Variants in ITIH2 observed in about 807,000 individuals in gnomAD.
ITIH2 encodes the protein inter-alpha-trypsin inhibitor heavy chain 2, also known as inter-alpha-trypsin inhibitor heavy chain H2.
ITIH2 carries 103 observed loss-of-function variants against 104.4 expected under a neutral mutation model. That is an observed-to-expected ratio of 0.99 (90% CI 0.84 to 1.16). ITIH2 has a LOEUF of 1.16. ITIH2 is among the 50% of genes most tolerant of loss of function. The probability of loss-of-function intolerance (pLI) is 0.00; values close to 1 mark genes in which losing one functional copy is unlikely to be tolerated. For missense variants in ITIH2, 1,108 were observed against 1,162.4 expected (o/e 0.95, Z 0.68); for synonymous variants, 436 against 435.4 (o/e 1.00, Z -0.02).
intron 6 of ITIH2, 115 bp downstream of exon 6, chr10:7,717,903 C>T (rs1834866103): frequency 4.1e-6 from 4 of 977,430 alleles, no homozygotes; most frequent in Non-Finnish European, 6.2e-6. Flanking sequence ...CTCAACTCTA[C>T]AAGACAGTGG....
At position 7,723,350 on chromosome 10, in the gene ITIH2, C is replaced by T. The variant is rs529489308; in HGVS notation, c.868-101C>T. Reference sequence around the variant, plus strand: ...AATGCACATCAAGCTCCGCCTCCTCCTCCCTGTAGACCCCTCTCTTCTCTG... The same window carrying T: ...AATGCACATCAAGCTCCGCCTCCTCTTCCCTGTAGACCCCTCTCTTCTCTG... On this transcript the variant is annotated intron_variant, in intron 8 of 20. Coordinates refer to ENST00000358415, the MANE Select transcript of ITIH2 (RefSeq NM_002216.3). The T allele has an allele frequency of 7.9e-5, 61 of 773,290 alleles. No homozygotes were observed. In the African/African-American group the frequency reaches 8.3e-4, roughly 10 times the overall value. The allele number at this position is 773,290 out of a possible 1,614,324, so 47.9% of individuals were successfully genotyped here.
At chr10:7,704,199 T>C (rs886098569) in intron 1 of ITIH2, among the ~76,000 whole-genome samples, 1 of 152,234 alleles carries the variant, frequency 6.6e-6, no homozygotes, top group African/African-American at 2.4e-5. Flanking sequence ...AAGCGAAGCA[T>C]GTTATGGGAA....
intron 12 of ITIH2, 64 bp downstream of exon 12, chr10:7,730,197 TG>T: frequency 4.1e-6 from 5 of 1,206,890 alleles, no homozygotes; most frequent in Non-Finnish European, 5.9e-6. Flanking sequence ...CCATATCTGA[TG>T]CAGGTATGAT....
rs764653891 is a variant in ITIH2 at position 7,727,776 on chromosome 10, C to T, written c.1227C>T (p.Asp409=). The change falls in exon 11 of 21, where the codon GAC becomes GAT. Residue 409 remains aspartate (D), a synonymous_variant. Transcript: ENST00000358415. ...AAGCCAATAACTTGGGACTGTTAGA[C>T]CCCAACTCCGTCTCGCTGATCATTT... ...LNEANNLGLL[D]PNSVSLIILV... is the part of the protein sequence containing the mutation. 2 of 1,613,896 alleles carry T rather than the reference C, an allele frequency of 1.2e-6. No individual in the cohort carries two copies. Among genetic ancestry groups the T allele is most frequent in the Admixed American group, 1.7e-5 (1 of 60,022 alleles).
At chr10:7,714,257 C>T (rs1334280779) in intron 5 of ITIH2, among the ~76,000 whole-genome samples, 1 of 148,860 alleles carries the variant, frequency 6.7e-6, no homozygotes, top group African/African-American at 2.5e-5. Context: ...CTGCAAGCTC[C>T]GCCCCCCGGG....
At chr10:7,727,315 T>C (rs1370289185) in intron 10 of ITIH2, among the ~76,000 whole-genome samples, 197 bp downstream of exon 10, 1 of 152,252 alleles carries the variant, frequency 6.6e-6, no homozygotes, top group Non-Finnish European at 1.5e-5. Context: ...ACATAAGCTT[T>C]GAACCGTTTT....
Position 7,734,945 on chromosome 10 carries a change from C to T in ITIH2, c.1811C>T (p.Ala604Val). 6.2e-7 allele frequency: 1 copy of T among 1,613,070 alleles called. No individual in the cohort carries two copies. Among genetic ancestry groups the T allele is most frequent in the Non-Finnish European group, 8.5e-7 (1 of 1,179,938 alleles). Reference protein sequence around the residue: ...AERSLAPTAAAKRRITRSILQ... With the variant: ...AERSLAPTAAVKRRITRSILQ... The stretch of plus-strand genomic sequence containing the variant: ...AGAAGCCTGGCTCCTACAGCTGCCG[C>T]CAAGAGAAGAATTACAAGATCGATC... Residue 604 changes from alanine to valine, a missense_variant, in exon 15 of 21, where the codon GCC becomes GTC. Transcript: ENST00000358415.
At chr10:7,713,475 G>A in intron 5 of ITIH2, 190 bp downstream of exon 5, 1 of 547,796 alleles carries the variant, frequency 1.8e-6, no homozygotes, top group South Asian at 2.6e-5. Context: ...TCAACCAATG[G>A]GTTTTGGGTG....
At chr10:7,719,367 A>G (rs1424354138) in intron 6 of ITIH2, among the ~76,000 whole-genome samples, 2 of 152,164 alleles carry the variant, frequency 1.3e-5, no homozygotes, top group African/African-American at 4.8e-5. Flanking sequence ...GCTCTGTACA[A>G]TTAAGTGTGT....
At chr10:7,706,090 A>C (rs1834744935) in intron 2 of ITIH2, among the ~76,000 whole-genome samples, 1 of 152,184 alleles carries the variant, frequency 6.6e-6, no homozygotes, top group Non-Finnish European at 1.5e-5. Context: ...TATGGGTGTG[A>C]ATTTTTTACT....
At chr10:7,727,631 C>G (rs189974358) in intron 10 of ITIH2, 72 bp from the exon 11 acceptor site, 2 of 1,554,224 alleles carry the variant, frequency 1.3e-6, no homozygotes, top group Admixed American at 3.5e-5. Flanking sequence ...ACATATGAGT[C>G]TGAATCCAGA....
intron 8 of ITIH2, among the ~76,000 whole-genome samples, chr10:7,722,745 C>T (rs1034813549): frequency 1.3e-5 from 2 of 152,212 alleles, no homozygotes; most frequent in Non-Finnish European, 2.9e-5. Flanking sequence ...CCTAGAGAAC[C>T]GTCCCCTGGG....
At chr10:7,706,422 A>G (rs1012014389) in intron 2 of ITIH2, among the ~76,000 whole-genome samples, 1 of 152,120 alleles carries the variant, frequency 6.6e-6, no homozygotes, top group Non-Finnish European at 1.5e-5. Flanking sequence ...GCCTTTGTTC[A>G]TTTCCTCAGG....
intron 15 of ITIH2, among the ~76,000 whole-genome samples, chr10:7,737,652 AT>A (rs1835072456): frequency 2.3e-5 from 2 of 88,268 alleles, no homozygotes; most frequent in Admixed American, 3.3e-4. Context: ...AATATTCTAT[AT>A]TATATTCTAT....
At chr10:7,729,728 T>C (rs1207780483) in intron 11 of ITIH2, 2 of 439,542 alleles carry the variant, frequency 4.6e-6, no homozygotes, top group Non-Finnish European at 8.0e-6. Flanking sequence ...TTGTTTCCAA[T>C]ATGTTGCTAA....
rs760534201 is a variant in ITIH2, at chr10:7,727,671, A to G, written c.1154-32A>G. 6 of 1,611,518 alleles carry G rather than the reference A, an allele frequency of 3.7e-6. No individual in the cohort carries two copies. In the African/African-American group the frequency reaches 4.0e-5, roughly 11 times the overall value. On this transcript the variant is annotated intron_variant, in intron 10 of 20. Transcript: ENST00000358415. ...GATTTTCTGCGTGTGGCGAGAACGC[A>G]TACCCAACGTTTCATTATGCTACTT...
intron 6 of ITIH2, among the ~76,000 whole-genome samples, chr10:7,720,457 C>G (rs1473937875): frequency 2.0e-5 from 3 of 152,080 alleles, no homozygotes; most frequent in African/African-American, 4.8e-5. Flanking sequence ...ATAAAACAAC[C>G]CAAGATTTGG....
intron 16 of ITIH2, among the ~76,000 whole-genome samples, chr10:7,742,352 C>T (rs1835134875): frequency 6.6e-6 from 1 of 152,052 alleles, no homozygotes. Flanking sequence ...TAGCTTGATT[C>T]TTCATTGCTT....
rs143052391 is a variant in ITIH2, at chr10:7,716,377, C to T, written c.468-1249C>T. ...TGCTGTTTTCTCTTTAAACCATAAA[C>T]ACCTCAAGATCAATGATCACATTGA... On this transcript the variant is annotated intron_variant, in intron 5 of 20. Transcript: ENST00000358415. 5.5e-4 allele frequency among the ~76,000 whole-genome samples: 84 copies of T among 152,316 alleles called. 1 individual carries two copies. Among genetic ancestry groups the T allele is most frequent in the African/African-American group, 2.0e-3 (82 of 41,570 alleles).
Sources: gnomAD v4.1 joint callset for allele counts (sites outside exome capture counted in the v4.1 genomes callset) on GRCh38, gnomAD v4.1.1 for gene constraint, MANE v1.5 for transcripts, NCBI Gene and HGNC (gene_info 2026-07-23, HGNC 2026-07-21) for gene names.